The following HECW1 variants were observed in gnomAD, a reference collection of about 807,000 sequenced individuals.
HECW1 encodes the protein HECT, C2 and WW domain containing E3 ubiquitin protein ligase 1.
Under a neutral mutation model 182.3 loss-of-function variants are expected in HECW1, and 61 were observed. That is an observed-to-expected ratio of 0.33 (90% CI 0.27 to 0.41). HECW1 has a LOEUF of 0.41. Among genes scored for constraint, HECW1 ranks in the 10% least tolerant of loss-of-function variants. The probability of loss-of-function intolerance (pLI) is 1.00; values close to 1 mark genes in which losing one functional copy is unlikely to be tolerated. For synonymous variants in HECW1, 859 were observed against 832.6 expected, an observed-to-expected ratio of 1.03 and a Z score of -0.55; for missense variants, 1,739 against 2,108.9, an observed-to-expected ratio of 0.82 and a Z score of 3.44.
chr7:43,198,409 A>G (rs1420657331), intron 2 of HECW1, among the ~76,000 whole-genome samples: 13 of 143,820 alleles, frequency 9.0e-5, no homozygotes, highest in Admixed American at 9.0e-4. Flanking sequence ...TCACACACCC[A>G]TACTCTCTTA....
At chr7:43,498,449 A>G (rs1473835184) in intron 19 of HECW1, among the ~76,000 whole-genome samples, 1 of 152,202 alleles carries the variant, frequency 6.6e-6, no homozygotes, top group African/African-American at 2.4e-5. Context: ...ATTTGAGGTC[A>G]TTCATAAGGC....
At chr7:43,540,566 C>T (rs567295070) in intron 24 of HECW1, among the ~76,000 whole-genome samples, 2 of 152,314 alleles carry the variant, frequency 1.3e-5, no homozygotes, top group African/African-American at 4.8e-5. Flanking sequence ...GCCAGTTCTT[C>T]TTAGCAGTGA....
chr7:43,168,298 G>C (rs1791335401), intron 2 of HECW1, among the ~76,000 whole-genome samples: 1 of 152,126 alleles, frequency 6.6e-6, no homozygotes, highest in Admixed American at 6.5e-5. Flanking sequence ...GAAACATACA[G>C]CTATTATACA....
chr7:43,394,212 G>A (rs2075146973), intron 6 of HECW1, among the ~76,000 whole-genome samples: 1 of 152,182 alleles, frequency 6.6e-6, no homozygotes, highest in Non-Finnish European at 1.5e-5. Context: ...ATTATGCCAT[G>A]AGGACTGGCC....
At chr7:43,429,289 CATATATATATATATATATATATAT>C (rs57627873) in intron 8 of HECW1, among the ~76,000 whole-genome samples, 2,485 of 106,690 alleles carry the variant, frequency 0.023, 126 homozygotes, top group African/African-American at 0.084. Flanking sequence ...ATATTATATG[CATATATATATATATATATATATAT>C]ATATATATAT....
At chr7:43,359,810 T>C (rs1562883328) in intron 5 of HECW1, among the ~76,000 whole-genome samples, 1 of 152,236 alleles carries the variant, frequency 6.6e-6, no homozygotes, top group Non-Finnish European at 1.5e-5. Context: ...ATTTCTCATA[T>C]TGTTTCAAAC....
chr7:43,493,388 A>T (rs140451999), intron 19 of HECW1, among the ~76,000 whole-genome samples: 3 of 152,344 alleles, frequency 2.0e-5, no homozygotes, highest in Non-Finnish European at 2.9e-5. Context: ...ATCAGATTAC[A>T]TATCATTTAT....
In HECW1 at chr7:43,512,107, C is replaced by A. The variant is rs578053259; in HGVS notation, c.4019+2986C>A. On this transcript the variant is annotated intron_variant, in intron 24 of 29. Transcript: ENST00000395891. ...CCTTCCACCTTCTGAGGGAGTTCATCAGGAGATTCATGGAGGCTGTGAAGA... is the reference window on the plus strand; with the variant it reads ...CCTTCCACCTTCTGAGGGAGTTCATAAGGAGATTCATGGAGGCTGTGAAGA... 9.0e-5 allele frequency: 20 copies of A among 222,422 alleles called. 1 individual carries two copies. Among genetic ancestry groups the A allele is most frequent in the Admixed American group, 3.4e-4 (6 of 17,428 alleles). The allele number at this position is 222,422 out of a possible 1,614,324, so 13.8% of individuals were successfully genotyped here. A position where few individuals can be genotyped will look rare whatever the true frequency, so the allele number is the denominator to read the frequency against.
chr7:43,495,562 G>T (rs115055777), intron 19 of HECW1, among the ~76,000 whole-genome samples: 1 of 152,274 alleles, frequency 6.6e-6, no homozygotes, highest in African/African-American at 2.4e-5. Context: ...TGCCCACTCT[G>T]CCCCTTACAA....
chr7:43,167,222 G>C (rs1399564487), intron 2 of HECW1, among the ~76,000 whole-genome samples: 1 of 152,100 alleles, frequency 6.6e-6, no homozygotes, highest in Non-Finnish European at 1.5e-5. Context: ...GCTCCTGGTG[G>C]TGCTTGACCT....
chr7:43,258,195 A>G (rs1386347055), intron 3 of HECW1, among the ~76,000 whole-genome samples: 1 of 151,820 alleles, frequency 6.6e-6, no homozygotes. Flanking sequence ...CAAAAAAATT[A>G]GCCGGGTGTG....
intron 2 of HECW1, among the ~76,000 whole-genome samples, chr7:43,166,336 T>C (rs1791106724): frequency 6.6e-6 from 1 of 152,176 alleles, no homozygotes; most frequent in African/African-American, 2.4e-5. Context: ...CCACCTGCCT[T>C]GGCCTCCCAA....
intron 6 of HECW1, among the ~76,000 whole-genome samples, chr7:43,371,939 C>T (rs2074121193): frequency 6.6e-6 from 1 of 152,146 alleles, no homozygotes; most frequent in African/African-American, 2.4e-5. Flanking sequence ...CCTGCCTCAA[C>T]CTCCCTAGTA....
chr7:43,455,889 T>G (rs2152888237), intron 12 of HECW1, among the ~76,000 whole-genome samples: 1 of 152,068 alleles, frequency 6.6e-6, no homozygotes, highest in South Asian at 2.1e-4. Context: ...TAATCCCAGC[T>G]ACTTGGAAGG....
At chr7:43,405,545 G>A (rs980126278) in intron 7 of HECW1, among the ~76,000 whole-genome samples, 1 of 152,124 alleles carries the variant, frequency 6.6e-6, no homozygotes, top group Non-Finnish European at 1.5e-5. Context: ...GTCTACCAGG[G>A]AAGCTTCTTA....
intron 2 of HECW1, among the ~76,000 whole-genome samples, chr7:43,137,561 T>TTTAA (rs1787695080): frequency 1.4e-5 from 2 of 140,558 alleles, no homozygotes; most frequent in African/African-American, 5.1e-5. Context: ...TATTTATTTA[T>TTTAA]TTATTTGAGA....
intron 2 of HECW1, among the ~76,000 whole-genome samples, chr7:43,205,093 T>C (rs755792569): frequency 1.2e-4 from 19 of 152,162 alleles, no homozygotes; most frequent in Non-Finnish European, 2.5e-4. Flanking sequence ...CAGTAATTTT[T>C]TTTTTTTGGA....
chr7:43,289,528 AG>A, intron 3 of HECW1, among the ~76,000 whole-genome samples: 1 of 152,204 alleles, frequency 6.6e-6, no homozygotes, highest in Non-Finnish European at 1.5e-5. Flanking sequence ...CTTGGACTTT[AG>A]GAGGTCATGG....
chr7:43,476,217 TC>T (rs763539711), intron 16 of HECW1, among the ~76,000 whole-genome samples: 17 of 152,170 alleles, frequency 1.1e-4, no homozygotes, highest in East Asian at 9.6e-4. Flanking sequence ...ATAATAACTT[TC>T]CTGAGTACCA....
Sources: allele counts gnomAD v4.1 joint callset (sites outside exome capture counted in the v4.1 genomes callset), GRCh38; gene constraint gnomAD v4.1.1; transcripts MANE v1.5; gene names NCBI Gene and HGNC (gene_info 2026-07-23, HGNC 2026-07-21).